Variants in GCM2 observed in about 807,000 individuals in gnomAD.
GCM2 encodes the protein GCM transcription factor 2, also known as chorion-specific transcription factor GCMb.
GCM2 carries 21 observed loss-of-function variants against 24.8 expected under a neutral mutation model. The ratio of observed to expected loss-of-function variants is 0.85; its 90% confidence interval spans 0.60 to 1.22. GCM2 has a LOEUF of 1.22. Ranked by LOEUF, GCM2 falls within the 50% of genes most tolerant of loss-of-function variation. The pLI, the probability that GCM2 is intolerant of heterozygous loss-of-function variation, is 0.00. For synonymous variants in GCM2, 222 were observed against 238.0 expected, an observed-to-expected ratio of 0.93 and a Z score of 0.62; for missense variants, 532 against 645.6, an observed-to-expected ratio of 0.82 and a Z score of 1.91.
At chr6:10,880,374 G>A (rs1345062632) in intron 1 of GCM2, among the ~76,000 whole-genome samples, 2 of 152,098 alleles carry the variant, frequency 1.3e-5, no homozygotes, top group East Asian at 1.9e-4. Context: ...TATGAGAGGC[G>A]ACACAATGTT....
At chr6:10,876,071 T>A in intron 3 of GCM2, 55 bp from the exon 4 acceptor site, 1 of 1,599,168 alleles carries the variant, frequency 6.3e-7, no homozygotes, top group Non-Finnish European at 8.6e-7. Flanking sequence ...AAGCTGACAA[T>A]GTTGCCCAAA....
chr6:10,877,417 G>A, intron 1 of GCM2, 25 bp from the exon 2 acceptor site: 1 of 1,613,716 alleles, frequency 6.2e-7, no homozygotes, highest in South Asian at 1.1e-5. Flanking sequence ...AAGGAAGGGT[G>A]GTCAGTCTAT....
intron 4 of GCM2, among the ~76,000 whole-genome samples, chr6:10,875,464 T>C (rs1161119331): frequency 2.0e-5 from 3 of 152,236 alleles, no homozygotes; most frequent in Non-Finnish European, 4.4e-5. Context: ...ACACTCTGCC[T>C]GCTTGGCGTG....
chr6:10,879,387 A>G (rs1779927347), intron 1 of GCM2, among the ~76,000 whole-genome samples: 1 of 152,232 alleles, frequency 6.6e-6, no homozygotes, highest in Non-Finnish European at 1.5e-5. Context: ...ATGAAGCCAC[A>G]GAGATTGTAT....
intron 3 of GCM2, 119 bp from the exon 4 acceptor site, chr6:10,876,135 A>G (rs972434934): frequency 9.1e-7 from 1 of 1,099,486 alleles, no homozygotes; most frequent in Non-Finnish European, 1.4e-6. Context: ...TTCTTTCAAA[A>G]TGACAGAAAA....
At chr6:10,879,046 G>T (rs1779921578) in intron 1 of GCM2, among the ~76,000 whole-genome samples, 1 of 152,164 alleles carries the variant, frequency 6.6e-6, no homozygotes, top group Admixed American at 6.5e-5. Context: ...CAGTAATAAG[G>T]TTAATGGGTG....
chr6:10,874,354 T>G lies in GCM2; in HGVS notation c.1162A>C (p.Lys388Gln), dbSNP rs759712994. The G allele has an allele frequency of 3.8e-5, 61 of 1,612,864 alleles. No homozygotes were observed. Among genetic ancestry groups the G allele is most frequent in the Non-Finnish European group, 5.1e-5 (60 of 1,179,096 alleles). ...ALQTVITTTT[K>Q]VSYQAYQPPA... ...GGCTGGTAGGCCTGGTAGGACACTT[T>G]AGTGGTGGTGGTGATCACGGTTTGT... The change falls in exon 5 of 5, where the codon AAA (lysine) becomes CAA (glutamine). Residue 388 changes from lysine to glutamine, a missense_variant. Transcript: ENST00000379491.
Position 10,876,484 on chromosome 6 carries a change from G to A in GCM2, c.417C>T (p.Thr139=). 4 of 1,613,884 alleles carry A rather than the reference G, an allele frequency of 2.5e-6. No homozygotes were observed. Among genetic ancestry groups the A allele is most frequent in the Non-Finnish European group, 2.5e-6 (3 of 1,179,760 alleles). The part of the protein sequence containing the change: ...PCRGHSGYPV[T]NFWRLDGNAI... ...CGTTGCCATCAAGCCGCCAAAAGTT[G>A]GTTACGGGGTATCCGCTGTGCCCTC... Residue 139 remains threonine, a synonymous_variant, in exon 3 of 5, where the codon ACC becomes ACT. Coordinates refer to ENST00000379491, the MANE Select transcript of GCM2 (RefSeq NM_004752.4).
chr6:10,878,430 T>C (rs1779912627), intron 1 of GCM2, among the ~76,000 whole-genome samples: 1 of 152,214 alleles, frequency 6.6e-6, no homozygotes, highest in East Asian at 1.9e-4. Context: ...GTGATTCTCC[T>C]GCCTCAGCCT....
chr6:10,875,187 A>C (rs963368644), intron 4 of GCM2, among the ~76,000 whole-genome samples: 1 of 152,188 alleles, frequency 6.6e-6, no homozygotes, highest in African/African-American at 2.4e-5. Flanking sequence ...TGAGTGGCAG[A>C]TGGTCCTGTT....
Position 10,874,829 on chromosome 6 carries a change from C to A in GCM2, c.687G>T (p.Gly229=), listed in dbSNP as rs755090999. Residue 229 remains glycine (G), a synonymous_variant, in exon 5 of 5, where the codon GGG becomes GGT. Transcript: ENST00000379491. ...IVTETSFPIP[G]QPCPSFPKSD... ...ACTTTGGGAAGGAAGGGCAAGGCTG[C>A]CCTGGAATAGGGAAGCTGGTTTCAG... The A allele has an allele frequency of 6.2e-7, 1 of 1,613,464 alleles. No individual in the cohort carries two copies. The highest frequency in any genetic ancestry group is 1.1e-5 in the South Asian group (1 of 91,050).
intron 1 of GCM2, among the ~76,000 whole-genome samples, chr6:10,880,533 C>A (rs1236466292): frequency 6.6e-6 from 1 of 152,044 alleles, no homozygotes; most frequent in Non-Finnish European, 1.5e-5. Context: ...CACCCCCCAC[C>A]CCCTACAGCC....
chr6:10,881,670 G>GC (rs764735002), intron 1 of GCM2, 34 bp downstream of exon 1: 2 of 1,509,640 alleles, frequency 1.3e-6, no homozygotes, highest in Non-Finnish European at 1.8e-6. Flanking sequence ...GATGGACAGC[G>GC]CCCCGCGTGC....
At chr6:10,875,015 T>A in intron 4 of GCM2, 82 bp from the exon 5 acceptor site, 1 of 971,750 alleles carries the variant, frequency 1.0e-6, no homozygotes, top group Non-Finnish European at 1.7e-6. Context: ...TAGAAGTAAG[T>A]AAAAACAGAC....
Position 10,878,060 on chromosome 6 carries a change from C to A in GCM2, c.91-668G>T, listed in dbSNP as rs1394819909. Among the ~76,000 whole-genome samples, 4 of 152,118 alleles carry A rather than the reference C, an allele frequency of 2.6e-5. No individual in the cohort carries two copies. The East Asian group carries it at 7.7e-4, about 29-fold the overall frequency. On this transcript the variant is annotated intron_variant, in intron 1 of 4. Transcript: ENST00000379491. Reference sequence around the variant, plus strand: ...GCTCTCCAAGTTTAAAAGGGTACTGCAATGAGGGACTTAAGCCATGAGCTT... The same window carrying A: ...GCTCTCCAAGTTTAAAAGGGTACTGAAATGAGGGACTTAAGCCATGAGCTT...
intron 1 of GCM2, among the ~76,000 whole-genome samples, chr6:10,879,692 T>C (rs1035411189): frequency 1.3e-5 from 2 of 152,218 alleles, no homozygotes; most frequent in African/African-American, 4.8e-5. Flanking sequence ...CATGTCCCAG[T>C]GTGCCTGGCC....
intron 1 of GCM2, 83 bp from the exon 2 acceptor site, chr6:10,877,475 T>C (rs1457777661): frequency 1.4e-6 from 2 of 1,440,258 alleles, no homozygotes; most frequent in East Asian, 4.6e-5. Context: ...CTGAGCACAT[T>C]AGGATACAAA....
intron 1 of GCM2, among the ~76,000 whole-genome samples, chr6:10,878,801 T>C (rs1263347085): frequency 1.3e-5 from 2 of 152,192 alleles, no homozygotes; most frequent in African/African-American, 4.8e-5. Context: ...GGAGGTTCAA[T>C]AGATAACCTT....
chr6:10,877,165 G>A lies in GCM2; in HGVS notation c.318C>T (p.Cys106=), dbSNP rs749600723. ...TCTGCTGTTTCAGCCGTGCCTTGTC[G>A]CAGATGGCCGGCCTCAGCTGCAGGC... The part of the protein sequence containing the change: ...GSRLQLRPAI[C]DKARLKQQKK... Residue 106 remains cysteine, a synonymous_variant, in exon 2 of 5, where the codon TGC becomes TGT. Transcript: ENST00000379491. 108 of 1,613,018 alleles carry A rather than the reference G, an allele frequency of 6.7e-5. 2 individuals are homozygous for A. The highest frequency in any genetic ancestry group is 2.2e-4 in the South Asian group (20 of 91,084).
Sources: gnomAD v4.1 joint callset for allele counts (sites outside exome capture counted in the v4.1 genomes callset) on GRCh38, gnomAD v4.1.1 for gene constraint, MANE v1.5 for transcripts, NCBI Gene and HGNC (gene_info 2026-07-23, HGNC 2026-07-21) for gene names.